Variants in ZNF385D observed in about 807,000 individuals in gnomAD.
ZNF385D encodes the protein zinc finger protein 659.
A neutral mutation model predicts 35.8 loss-of-function variants in ZNF385D; 15 were observed. The ratio of observed to expected loss-of-function variants is 0.42; its 90% CI spans 0.28 to 0.64. ZNF385D has a LOEUF of 0.64. Ranked by LOEUF, ZNF385D falls within the 30% of genes least tolerant of loss-of-function variation. The pLI is 0.23. For missense variants in ZNF385D, 474 were observed against 494.6 expected, an observed-to-expected ratio of 0.96 and a Z score of 0.39; for synonymous variants, 212 against 186.8, an observed-to-expected ratio of 1.13 and a Z score of -1.10.
At chr3:21,981,187 G>C (rs748309024) in intron 3 of ZNF385D, among the ~76,000 whole-genome samples, 1 of 152,132 alleles carries the variant, frequency 6.6e-6, no homozygotes, top group Admixed American at 6.5e-5. Flanking sequence ...CCTACCAACA[G>C]TGTATAAATG....
intron 2 of ZNF385D, among the ~76,000 whole-genome samples, chr3:22,191,918 A>AAT (rs35585720): frequency 6.6e-6 from 1 of 151,916 alleles, no homozygotes; most frequent in East Asian, 1.9e-4. Context: ...CTATAAAAAA[A>AAT]CAATGGTAAT....
chr3:21,955,842 A>G (rs927904754), intron 3 of ZNF385D, among the ~76,000 whole-genome samples: 2 of 152,130 alleles, frequency 1.3e-5, no homozygotes, highest in African/African-American at 4.8e-5. Context: ...TCATTCTTTC[A>G]TAATTCAAAG....
rs1701087617 is a variant in ZNF385D at position 21,427,777 on chromosome 3, TG to T, written c.674-2108del. 4.6e-5 allele frequency among the ~76,000 whole-genome samples: 7 copies of T among 152,132 alleles called. No individual in the cohort carries two copies. The South Asian group carries it at 1.4e-3, about 32-fold the overall frequency. ...AATACCCATCTTTTCAGAAAGTCAT[TG>T]GGTTGTTCGAATTATTATTTAAGTA... is the stretch of plus-strand genomic sequence containing the variant. On this transcript the variant is annotated intron_variant, in intron 5 of 7. Transcript: ENST00000281523.
intron 3 of ZNF385D, among the ~76,000 whole-genome samples, chr3:22,089,843 T>G (rs74571539): frequency 0.022 from 3,340 of 152,274 alleles, 52 homozygotes; most frequent in East Asian, 0.045. Flanking sequence ...AATTTTTTAT[T>G]TTATTTTATT....
chr3:22,317,496 C>A (rs990078044), intron 2 of ZNF385D, among the ~76,000 whole-genome samples: 1 of 151,928 alleles, frequency 6.6e-6, no homozygotes, highest in African/African-American at 2.4e-5. Flanking sequence ...GGGACTTTAT[C>A]TACGTAATAA....
At chr3:21,500,855 C>T (rs1706305117) in intron 4 of ZNF385D, among the ~76,000 whole-genome samples, 2 of 152,144 alleles carry the variant, frequency 1.3e-5, no homozygotes, top group South Asian at 4.1e-4. Context: ...AGCTGGAAAG[C>T]CCCAGCTTAG....
At chr3:22,220,385 ACT>A (rs958715013) in intron 2 of ZNF385D, among the ~76,000 whole-genome samples, 83 of 152,036 alleles carry the variant, frequency 5.5e-4, no homozygotes, top group African/African-American at 1.9e-3. Context: ...GTTATCTCTG[ACT>A]CTAATTTCTC....
At chr3:22,185,571 A>T (rs1337219670) in intron 2 of ZNF385D, among the ~76,000 whole-genome samples, 1 of 152,040 alleles carries the variant, frequency 6.6e-6, no homozygotes, top group African/African-American at 2.4e-5. Context: ...GGGTTCAAGC[A>T]ATTCTCCTAC....
chr3:21,632,562 G>T (rs78538922), intron 2 of ZNF385D, among the ~76,000 whole-genome samples: 1 of 152,082 alleles, frequency 6.6e-6, no homozygotes, highest in Non-Finnish European at 1.5e-5. Context: ...TGCAGTTAAG[G>T]GGGGAAAAGG....
chr3:22,204,406 C>T (rs889809381), intron 2 of ZNF385D, among the ~76,000 whole-genome samples: 2 of 151,932 alleles, frequency 1.3e-5, no homozygotes, highest in African/African-American at 4.8e-5. Context: ...CAAACAATCC[C>T]AGATTGTGAA....
intron 3 of ZNF385D, among the ~76,000 whole-genome samples, chr3:22,050,198 TAA>T (rs1169509467): frequency 1.5e-4 from 21 of 139,094 alleles, no homozygotes; most frequent in Admixed American, 1.4e-4. Flanking sequence ...AGATTGGGTT[TAA>T]AAAAAAAAAA....
chr3:22,286,292 G>A lies in ZNF385D; in HGVS notation c.106+86158C>T, dbSNP rs192444034. On this transcript the variant is annotated intron_variant, in intron 2 of 5. Coordinates refer to the ZNF385D transcript ENST00000494108. ...CTCATGCAAAGCGTAAGCTAAACAA[G>A]TTTTTTCTTAGTCTATGTAACAGTC... Among the ~76,000 whole-genome samples the A allele has an allele frequency of 2.0e-5, 3 of 152,096 alleles. No homozygotes were observed. In the East Asian group the frequency reaches 5.8e-4, roughly 29 times the overall value.
chr3:21,594,993 C>CT (rs2064089319), intron 2 of ZNF385D, among the ~76,000 whole-genome samples: 2 of 152,114 alleles, frequency 1.3e-5, no homozygotes, highest in South Asian at 4.1e-4. Flanking sequence ...ATTAAATGCT[C>CT]TTTTTTCTTT....
At chr3:21,639,134 C>G (rs1426768126) in intron 2 of ZNF385D, among the ~76,000 whole-genome samples, 1 of 152,068 alleles carries the variant, frequency 6.6e-6, no homozygotes, top group Admixed American at 6.6e-5. Context: ...TGTTCAAGAA[C>G]AACTAAGATA....
intron 3 of ZNF385D, among the ~76,000 whole-genome samples, chr3:21,820,751 C>T (rs1256431088): frequency 6.7e-6 from 1 of 149,858 alleles, no homozygotes; most frequent in African/African-American, 2.4e-5. Flanking sequence ...ATAATTATAG[C>T]TTCAACTTCT....
chr3:22,242,372 A>G (rs1277695183), intron 2 of ZNF385D, among the ~76,000 whole-genome samples: 3 of 151,168 alleles, frequency 2.0e-5, no homozygotes, highest in Admixed American at 2.0e-4. Context: ...ACACAGCTAG[A>G]GAACCTGGCA....
intron 3 of ZNF385D, among the ~76,000 whole-genome samples, chr3:21,870,488 G>A (rs553456031): frequency 9.2e-5 from 14 of 152,202 alleles, no homozygotes; most frequent in Non-Finnish European, 1.9e-4. Context: ...CAACATGTAC[G>A]TAAACGTGAT....
intron 1 of ZNF385D, among the ~76,000 whole-genome samples, chr3:21,720,106 T>C (rs2068479129): frequency 6.6e-6 from 1 of 152,222 alleles, no homozygotes; most frequent in South Asian, 2.1e-4. Flanking sequence ...GAGAATCTAA[T>C]TTAAATTGGT....
intron 3 of ZNF385D, among the ~76,000 whole-genome samples, chr3:21,520,716 G>A (rs966342948): frequency 6.6e-6 from 1 of 152,080 alleles, no homozygotes; most frequent in African/African-American, 2.4e-5. Flanking sequence ...TAACTAACAG[G>A]TTCTTTTTAA....
Sources: gnomAD v4.1 joint callset for allele counts (sites outside exome capture counted in the v4.1 genomes callset) on GRCh38, gnomAD v4.1.1 for gene constraint, MANE v1.5 for transcripts, NCBI Gene and HGNC (gene_info 2026-07-23, HGNC 2026-07-21) for gene names.